COL15A1: variants seen among roughly 807,000 people sequenced by gnomAD.
The protein encoded by COL15A1 is collagen alpha-1(XV) chain.
COL15A1 carries 111 observed loss-of-function variants against 165.9 expected under a neutral mutation model. The observed-to-expected ratio is 0.67, with a 90% confidence interval of 0.57 to 0.78. The LOEUF (loss-of-function observed/expected upper bound fraction) is 0.78, where lower values mean the gene tolerates loss of function less well. COL15A1 is among the 30% of genes least tolerant of loss of function. The pLI, the probability that COL15A1 is intolerant of heterozygous loss-of-function variation, is 0.00. For missense variants in COL15A1, 1,745 were observed against 1,789.7 expected (o/e 0.98, Z 0.45); for synonymous variants, 659 against 674.8 (o/e 0.98, Z 0.36).
intron 41 of COL15A1, among the ~76,000 whole-genome samples, chr9:99,069,284 A>T (rs1007786400): frequency 1.3e-5 from 2 of 152,174 alleles, no homozygotes; most frequent in Non-Finnish European, 2.9e-5. Flanking sequence ...GTACCATAGG[A>T]TATACAGGAT....
At chr9:98,994,978 G>T (rs1032791367) in intron 5 of COL15A1, among the ~76,000 whole-genome samples, 1 of 152,006 alleles carries the variant, frequency 6.6e-6, no homozygotes. Flanking sequence ...CCCCCATCTC[G>T]TTGTCTTCCT....
intron 16 of COL15A1, among the ~76,000 whole-genome samples, chr9:99,031,555 C>T (rs1004039506): frequency 6.6e-6 from 1 of 152,142 alleles, no homozygotes; most frequent in Non-Finnish European, 1.5e-5. Flanking sequence ...GGCAGTTTTG[C>T]GGACACGTCA....
chr9:98,994,670 C>T (rs924622108), intron 5 of COL15A1, among the ~76,000 whole-genome samples: 10 of 152,142 alleles, frequency 6.6e-5, no homozygotes, highest in African/African-American at 2.4e-4. Flanking sequence ...CACGGTAGGG[C>T]CTCTGGAAAT....
rs765283873 is a variant in COL15A1, at chr9:98,987,326, C to T, written c.681C>T (p.Asp227=). ...TCCAGCAGCTCACCGTGCACCCCGA[C>T]CCCAGGACTCCCGAGGAGCTGTGTG... The part of the protein sequence containing the change: ...GSLQQLTVHP[D]PRTPEELCDP... Residue 227 remains aspartate (D), a synonymous_variant, in exon 4 of 42, where the codon GAC becomes GAT. Transcript: ENST00000375001. The T allele has an allele frequency of 6.2e-7, 1 of 1,613,556 alleles. No individual in the cohort carries two copies. Among genetic ancestry groups the T allele is most frequent in the Non-Finnish European group, 8.5e-7 (1 of 1,179,768 alleles).
chr9:99,020,548 G>T (rs1839009345), intron 12 of COL15A1, 106 bp downstream of exon 12: 4 of 781,582 alleles, frequency 5.1e-6, no homozygotes, highest in Non-Finnish European at 8.9e-6. Flanking sequence ...GATCGCAGAA[G>T]CAGCAAGAGG....
rs751599698 is a variant in COL15A1, at chr9:99,068,628, T to A, written c.3911T>A (p.Ile1304Lys). The part of the protein sequence containing the change: ...HGGQFNMHIP[I>K]YSFDGRDIMT... Reference sequence around the variant, plus strand: ...GGTCAGTTCAATATGCATATTCCAATATACTCCTTTGATGGTCGAGACATA... The same window carrying A: ...GGTCAGTTCAATATGCATATTCCAAAATACTCCTTTGATGGTCGAGACATA... Residue 1304 changes from isoleucine to lysine, a missense_variant, in exon 41 of 42, where the codon ATA (isoleucine) becomes AAA (lysine). Coordinates refer to ENST00000375001, the MANE Select transcript of COL15A1 (RefSeq NM_001855.5). 3 of 1,560,618 alleles carry A rather than the reference T, an allele frequency of 1.9e-6. No individual in the cohort carries two copies. The highest frequency in any genetic ancestry group is 2.6e-6 in the Non-Finnish European group (3 of 1,162,282).
Position 99,048,789 on chromosome 9 carries a change from T to C in COL15A1, c.2793+789T>C, listed in dbSNP as rs1023547375. ...TCTCATTTAGTCTTGGTGATAACTA[T>C]TGCATGAGATACTATGCAGGGATCT... On this transcript the variant is annotated intron_variant, in intron 28 of 41. Transcript: ENST00000375001. Among the ~76,000 whole-genome samples the C allele has an allele frequency of 3.4e-5, 5 of 148,456 alleles. No individual in the cohort carries two copies. The South Asian group carries it at 1.1e-3, about 32-fold the overall frequency.
chr9:98,976,289 A>G (rs79746173), intron 2 of COL15A1, among the ~76,000 whole-genome samples: 4,270 of 152,328 alleles, frequency 0.028, 173 homozygotes, highest in African/African-American at 0.096. Flanking sequence ...ATGCAGCCCC[A>G]GGAAGTGTTT....
chr9:99,015,121 T>C (rs1005181629), intron 9 of COL15A1, among the ~76,000 whole-genome samples: 14 of 151,876 alleles, frequency 9.2e-5, no homozygotes, highest in African/African-American at 2.9e-4. Flanking sequence ...TTTTTCCCTT[T>C]GGCTTATTGA....
Position 99,016,051 on chromosome 9 carries a change from G to A in COL15A1, c.1579G>A (p.Gly527Ser), listed in dbSNP as rs201389556. 1.5e-5 allele frequency: 25 copies of A among 1,613,972 alleles called. No homozygotes were observed. In the East Asian group the frequency reaches 1.8e-4, roughly 12 times the overall value. Residue 527 changes from glycine to serine, a missense_variant, in exon 11 of 42, where the codon GGC becomes AGC. Transcript: ENST00000375001. Reference protein sequence around the residue: ...PLITAGGEESGSPPPDGPPLP... With the variant: ...PLITAGGEESSSPPPDGPPLP... ...CATCACAGCTGGGGGTGAAGAGTCC[G>A]GCAGCCCTCCCCCTGATGGGCCACC...
intron 28 of COL15A1, among the ~76,000 whole-genome samples, chr9:99,048,256 T>C (rs111687872): frequency 1.3e-5 from 2 of 152,224 alleles, no homozygotes; most frequent in African/African-American, 4.8e-5. Flanking sequence ...AGGGATCTGG[T>C]CATGCTCAGA....
intron 39 of COL15A1, among the ~76,000 whole-genome samples, chr9:99,063,569 A>G (rs1174166767): frequency 1.3e-5 from 2 of 152,206 alleles, no homozygotes; most frequent in Non-Finnish European, 2.9e-5. Context: ...CAAGCCAAAA[A>G]GTTTGACCAT....
intron 2 of COL15A1, among the ~76,000 whole-genome samples, chr9:98,970,981 GAAT>G (rs1338025985): frequency 1.3e-5 from 2 of 152,202 alleles, no homozygotes; most frequent in African/African-American, 4.8e-5. Context: ...AGAGTGGTAA[GAAT>G]AACAGATTTG....
intron 2 of COL15A1, among the ~76,000 whole-genome samples, chr9:98,956,388 T>G (rs762264449): frequency 4.3e-4 from 66 of 152,314 alleles, no homozygotes; most frequent in Admixed American, 1.2e-3. Context: ...ATAGTGCTTT[T>G]TATGTGCCAG....
intron 2 of COL15A1, among the ~76,000 whole-genome samples, chr9:98,950,208 C>T (rs1427443281): frequency 6.6e-6 from 1 of 152,156 alleles, no homozygotes; most frequent in Non-Finnish European, 1.5e-5. Context: ...CACCTAGGAG[C>T]AGAATTTCTG....
chr9:98,971,765 T>C (rs1392218829), intron 2 of COL15A1, among the ~76,000 whole-genome samples: 2 of 152,150 alleles, frequency 1.3e-5, no homozygotes, highest in East Asian at 3.9e-4. Flanking sequence ...TGGGCATGTG[T>C]GAAGGGAGCG....
At chr9:99,009,901 G>A (rs1030133381) in intron 9 of COL15A1, among the ~76,000 whole-genome samples, 1 of 152,160 alleles carries the variant, frequency 6.6e-6, no homozygotes, top group Non-Finnish European at 1.5e-5. Context: ...AATGCTCCAA[G>A]AAAACCTTGT....
intron 9 of COL15A1, among the ~76,000 whole-genome samples, chr9:99,008,565 A>G (rs927881551): frequency 5.9e-5 from 9 of 152,206 alleles, no homozygotes; most frequent in African/African-American, 1.9e-4. Context: ...ATTTTTGGAG[A>G]GATCAGGTAG....
chr9:98,991,214 G>C (rs1838419796), intron 5 of COL15A1, among the ~76,000 whole-genome samples: 1 of 151,996 alleles, frequency 6.6e-6, no homozygotes, highest in Non-Finnish European at 1.5e-5. Flanking sequence ...ACCTCACCAA[G>C]TTGCCGCTGC....
Sources: gnomAD v4.1 joint callset for allele counts (sites outside exome capture counted in the v4.1 genomes callset) on GRCh38, gnomAD v4.1.1 for gene constraint, MANE v1.5 for transcripts, NCBI Gene and HGNC (gene_info 2026-07-23, HGNC 2026-07-21) for gene names.